The following LIMCH1 variants were observed in gnomAD, a reference collection of about 807,000 sequenced individuals.
LIMCH1 encodes the protein LIM and calponin homology domains-containing protein 1.
Under a neutral mutation model 176.5 loss-of-function variants are expected in LIMCH1, and 113 were observed. That is an observed-to-expected ratio of 0.64 (90% CI 0.55 to 0.75). The LOEUF (loss-of-function observed/expected upper bound fraction) is 0.75. Ranked by LOEUF, LIMCH1 falls within the 30% of genes least tolerant of loss-of-function variation. The pLI is 0.00. For missense variants in LIMCH1, 1,674 were observed against 1,814.9 expected (o/e 0.92, Z 1.41); for synonymous variants, 619 against 645.9 (o/e 0.96, Z 0.63).
intron 1 of LIMCH1, among the ~76,000 whole-genome samples, chr4:41,405,514 C>T (rs2058870348): frequency 6.6e-6 from 1 of 152,056 alleles, no homozygotes; most frequent in Admixed American, 6.6e-5. Flanking sequence ...TGTGTATTTC[C>T]ATTGCATAGT....
At chr4:41,431,635 T>G (rs2061614700) in intron 1 of LIMCH1, among the ~76,000 whole-genome samples, 1 of 152,212 alleles carries the variant, frequency 6.6e-6, no homozygotes, top group Non-Finnish European at 1.5e-5. Context: ...GACTGCATTC[T>G]CTTGGAGTCA....
chr4:41,682,952 C>G (rs1717481017), intron 26 of LIMCH1, among the ~76,000 whole-genome samples: 1 of 152,144 alleles, frequency 6.6e-6, no homozygotes, highest in Non-Finnish European at 1.5e-5. Flanking sequence ...ACTGGGATTA[C>G]AGGTGTGAGC....
At chr4:41,685,561 A>T in intron 27 of LIMCH1, 149 bp from the exon 28 acceptor site, 2 of 797,332 alleles carry the variant, frequency 2.5e-6, no homozygotes, top group Non-Finnish European at 4.0e-6. Flanking sequence ...GCAGTGATTT[A>T]AGTGGCCTCT....
At chr4:41,465,782 T>G (rs1299867587) in intron 1 of LIMCH1, among the ~76,000 whole-genome samples, 1 of 152,184 alleles carries the variant, frequency 6.6e-6, no homozygotes, top group Non-Finnish European at 1.5e-5. Context: ...CCCTATAGAA[T>G]AGATGTAAGC....
upstream of LIMCH1, among the ~76,000 whole-genome samples, chr4:41,535,840 G>A (rs1049433418): frequency 2.6e-5 from 4 of 152,028 alleles, no homozygotes; most frequent in Non-Finnish European, 5.9e-5. Context: ...GAGGTGGAAG[G>A]TTATATATAG....
intron 18 of LIMCH1, among the ~76,000 whole-genome samples, chr4:41,657,283 A>G (rs2094490855): frequency 6.6e-6 from 1 of 152,254 alleles, no homozygotes; most frequent in Non-Finnish European, 1.5e-5. Flanking sequence ...AGAAAAATAC[A>G]GGTCAGAAAA....
chr4:41,675,697 G>T, intron 22 of LIMCH1, among the ~76,000 whole-genome samples: 1 of 148,384 alleles, frequency 6.7e-6, no homozygotes, highest in South Asian at 2.2e-4. Context: ...CATATTCTGT[G>T]GCCTGGGCAC....
intron 1 of LIMCH1, among the ~76,000 whole-genome samples, chr4:41,443,062 G>A (rs901391862): frequency 5.3e-5 from 8 of 151,994 alleles, no homozygotes; most frequent in Non-Finnish European, 8.8e-5. Context: ...TTTAGTTAGA[G>A]ATTTGTTTAA....
chr4:41,538,357 A>C lies in LIMCH1; in HGVS notation c.-241+7A>C, dbSNP rs1402756921. On this transcript the variant is annotated splice_region_variant and intron_variant, in intron 1 of 31. Transcript: ENST00000503057. ...AGCATGAGGACGTGTGGGGGTAAGT[A>C]AAATTCATTATAAAAGAAATACATG... 2 of 985,018 alleles carry C rather than the reference A, an allele frequency of 2.0e-6. No individual in the cohort carries two copies. The highest frequency in any genetic ancestry group is 2.4e-6 in the Non-Finnish European group (2 of 829,680). 61.0% of individuals were successfully genotyped at this position (985,018 alleles called of 1,614,324 possible). A position where few individuals can be genotyped will look rare whatever the true frequency, so the allele number is the denominator to read the frequency against.
At chr4:41,460,458 C>CCATATATATATATATATATATA (rs1554057132) in intron 1 of LIMCH1, among the ~76,000 whole-genome samples, 11 of 110,544 alleles carry the variant, frequency 1.0e-4, no homozygotes, top group African/African-American at 4.0e-4. Context: ...TAGTAATCAT[C>CCATATATATATATATATATATA]TATATATATA....
intron 26 of LIMCH1, 53 bp downstream of exon 26, chr4:41,682,513 G>C (rs767037533): frequency 6.3e-6 from 10 of 1,581,382 alleles, no homozygotes; most frequent in Admixed American, 1.8e-5. Flanking sequence ...GGCTCTGCTC[G>C]TGCACGCTCA....
intron 2 of LIMCH1, among the ~76,000 whole-genome samples, chr4:41,499,807 A>C (rs1246971492): frequency 2.0e-5 from 3 of 151,700 alleles, no homozygotes; most frequent in Non-Finnish European, 4.4e-5. Context: ...ACAGAACAAG[A>C]CTCCATCTCA....
intron 1 of LIMCH1, among the ~76,000 whole-genome samples, chr4:41,558,715 C>G (rs768413955): frequency 6.6e-6 from 1 of 152,126 alleles, no homozygotes; most frequent in Non-Finnish European, 1.5e-5. Context: ...ATGAAAGATG[C>G]ATTTGTGTAT....
At position 41,613,664 on chromosome 4, in the gene LIMCH1, A is replaced by C. The variant is rs1289764874; in HGVS notation, c.205+3A>C. 3 of 1,612,964 alleles carry C rather than the reference A, an allele frequency of 1.9e-6. No individual in the cohort carries two copies. The African/African-American group carries it at 4.0e-5, about 22-fold the overall frequency. On this transcript the variant is annotated splice_donor_region_variant and intron_variant, in intron 5 of 31. Transcript: ENST00000503057. ...AGTCCTCAGGGGAAGCAGCGATGGT[A>C]GGTTGGAGTCTTAATAAACTATCCA...
chr4:41,672,431 T>C (rs1484561813), intron 22 of LIMCH1, among the ~76,000 whole-genome samples: 1 of 152,194 alleles, frequency 6.6e-6, no homozygotes, highest in Admixed American at 6.5e-5. Flanking sequence ...ACAATTTCTA[T>C]AGATACATTT....
At chr4:41,419,214 G>T (rs950047909) in intron 1 of LIMCH1, among the ~76,000 whole-genome samples, 16 of 151,382 alleles carry the variant, frequency 1.1e-4, no homozygotes, top group Admixed American at 1.3e-4. Flanking sequence ...GTCTAGCTCT[G>T]TTGCCCAGGC....
chr4:41,365,040 C>A (rs967061888), intron 1 of LIMCH1, among the ~76,000 whole-genome samples: 1 of 152,218 alleles, frequency 6.6e-6, no homozygotes, highest in African/African-American at 2.4e-5. Flanking sequence ...CTTTTCAGTG[C>A]CAAACACTTT....
intron 1 of LIMCH1, among the ~76,000 whole-genome samples, chr4:41,384,331 A>G (rs1278652144): frequency 6.6e-6 from 1 of 150,448 alleles, no homozygotes; most frequent in Non-Finnish European, 1.5e-5. Flanking sequence ...CAGCCTCCCT[A>G]GTAACTGGGA....
At chr4:41,501,856 CCTTTTTTTT>C (rs2073330972) in intron 2 of LIMCH1, among the ~76,000 whole-genome samples, 1 of 95,304 alleles carries the variant, frequency 1.0e-5, no homozygotes, top group Middle Eastern at 6.0e-3. Context: ...GGTGTAGAAT[CCTTTTTTTT>C]TTTTTTTTTT....
Sources: gnomAD v4.1 joint callset for allele counts (sites outside exome capture counted in the v4.1 genomes callset) on GRCh38, gnomAD v4.1.1 for gene constraint, MANE v1.5 for transcripts, NCBI Gene and HGNC (gene_info 2026-07-23, HGNC 2026-07-21) for gene names.